GRID2: variants seen among roughly 807,000 people sequenced by gnomAD.
The protein encoded by GRID2 is glutamate ionotropic receptor delta type subunit 2.
A neutral mutation model predicts 114.8 loss-of-function variants in GRID2; 33 were observed. The observed-to-expected ratio is 0.29, with a 90% CI of 0.22 to 0.38. GRID2 has a LOEUF of 0.38. Among genes scored for constraint, GRID2 ranks in the 10% least tolerant of loss-of-function variants. The probability of loss-of-function intolerance (pLI) is 1.00; values close to 1 mark genes in which losing one functional copy is unlikely to be tolerated. For synonymous variants in GRID2, 505 were observed against 449.9 expected (o/e 1.12, Z -1.55); for missense variants, 1,184 against 1,257.7 (o/e 0.94, Z 0.89).
At chr4:92,777,579 T>C (rs1046055552) in intron 2 of GRID2, among the ~76,000 whole-genome samples, 1 of 152,100 alleles carries the variant, frequency 6.6e-6, no homozygotes, top group Non-Finnish European at 1.5e-5. Flanking sequence ...CCCCAAAATT[T>C]ATATTTTGAA....
chr4:92,540,871 T>C (rs565832181), intron 1 of GRID2, among the ~76,000 whole-genome samples: 1 of 151,538 alleles, frequency 6.6e-6, no homozygotes, highest in East Asian at 1.9e-4. Flanking sequence ...CTATTCACAA[T>C]AGCAAAGACT....
chr4:93,559,778 A>T (rs972806095), intron 13 of GRID2, among the ~76,000 whole-genome samples: 4 of 152,180 alleles, frequency 2.6e-5, no homozygotes, highest in Admixed American at 2.6e-4. Flanking sequence ...ACACATGCAC[A>T]AGTATGTTTA....
chr4:92,581,744 A>G (rs1352185506), intron 1 of GRID2, among the ~76,000 whole-genome samples: 1 of 152,138 alleles, frequency 6.6e-6, no homozygotes, highest in East Asian at 1.9e-4. Flanking sequence ...TTAAGTCACT[A>G]TATCAAAAAT....
chr4:92,848,366 A>T (rs535248009), intron 2 of GRID2, among the ~76,000 whole-genome samples: 5 of 151,846 alleles, frequency 3.3e-5, no homozygotes, highest in Admixed American at 3.3e-4. Flanking sequence ...CTTCCTCTAC[A>T]CATCTCTTTC....
chr4:93,213,105 TA>T (rs1560993959), intron 5 of GRID2, among the ~76,000 whole-genome samples: 1 of 152,100 alleles, frequency 6.6e-6, no homozygotes, highest in Non-Finnish European at 1.5e-5. Flanking sequence ...TTTTGAGATT[TA>T]AAAAGCCTAT....
At chr4:92,379,570 G>T (rs970659012) in intron 1 of GRID2, among the ~76,000 whole-genome samples, 1 of 151,766 alleles carries the variant, frequency 6.6e-6, no homozygotes, top group Non-Finnish European at 1.5e-5. Context: ...TATATGGCGG[G>T]GTTGAACAGT....
At chr4:93,105,763 C>T (rs1579001883) in intron 3 of GRID2, among the ~76,000 whole-genome samples, 3 of 152,192 alleles carry the variant, frequency 2.0e-5, no homozygotes, top group African/African-American at 4.8e-5. Context: ...AGGAGTTAGA[C>T]CTCCCTTTGA....
intron 2 of GRID2, among the ~76,000 whole-genome samples, chr4:92,640,248 G>A (rs1224182815): frequency 6.6e-6 from 1 of 151,582 alleles, no homozygotes; most frequent in African/African-American, 2.4e-5. Context: ...TGCCACATGT[G>A]GTATGCCACC....
chr4:93,059,234 A>G (rs1459040122), intron 2 of GRID2, among the ~76,000 whole-genome samples: 1 of 152,148 alleles, frequency 6.6e-6, no homozygotes, highest in Non-Finnish European at 1.5e-5. Context: ...TAATATTCCA[A>G]TCTGGAAGAG....
At chr4:93,810,387 T>C (rs1735109120), downstream of GRID2, among the ~76,000 whole-genome samples, 1 of 152,182 alleles carries the variant, frequency 6.6e-6, no homozygotes, top group South Asian at 2.1e-4. Context: ...TGTCAATAAA[T>C]AATTTTCCTG....
At chr4:93,794,886 G>A (rs1379532520) in intron 1 of GRID2, among the ~76,000 whole-genome samples, 1 of 152,168 alleles carries the variant, frequency 6.6e-6, no homozygotes, top group Non-Finnish European at 1.5e-5. Flanking sequence ...ATTGTGAGAG[G>A]CAGATGAGAA....
At chr4:93,264,287 CA>C (rs1375342553) in intron 8 of GRID2, among the ~76,000 whole-genome samples, 8 of 152,172 alleles carry the variant, frequency 5.3e-5, no homozygotes, top group Non-Finnish European at 1.0e-4. Context: ...AATTTATAAG[CA>C]AAGGAATGGT....
intron 1 of GRID2, among the ~76,000 whole-genome samples, chr4:92,434,012 A>G (rs996645809): frequency 1.3e-5 from 2 of 152,234 alleles, no homozygotes; most frequent in Non-Finnish European, 2.9e-5. Context: ...TCAGTTTTCT[A>G]TAAACCCACG....
At chr4:92,460,764 G>C (rs1721455980) in intron 1 of GRID2, among the ~76,000 whole-genome samples, 1 of 151,984 alleles carries the variant, frequency 6.6e-6, no homozygotes, top group Admixed American at 6.6e-5. Flanking sequence ...TCTCCTGAAA[G>C]TTTTTTACTG....
At chr4:93,752,119 G>T (rs1732373646) in intron 14 of GRID2, among the ~76,000 whole-genome samples, 1 of 152,126 alleles carries the variant, frequency 6.6e-6, no homozygotes, top group Non-Finnish European at 1.5e-5. Context: ...TATTACTGTG[G>T]CTGTACCACA....
At chr4:93,701,893 A>G (rs897775475) in intron 14 of GRID2, among the ~76,000 whole-genome samples, 9 of 152,072 alleles carry the variant, frequency 5.9e-5, no homozygotes, top group Non-Finnish European at 1.0e-4. Context: ...ATTTATATGT[A>G]CAAAAGCAAC....
At chr4:92,410,182 T>C (rs112383281) in intron 1 of GRID2, among the ~76,000 whole-genome samples, 1 of 152,178 alleles carries the variant, frequency 6.6e-6, no homozygotes, top group African/African-American at 2.4e-5. Flanking sequence ...CTATCTGTCC[T>C]TGAACACGCT....
intron 2 of GRID2, among the ~76,000 whole-genome samples, chr4:92,904,183 T>G (rs1747781745): frequency 6.6e-6 from 1 of 151,552 alleles, no homozygotes; most frequent in Non-Finnish European, 1.5e-5. Context: ...AATATAATAT[T>G]AATGTATGGC....
intron 2 of GRID2, among the ~76,000 whole-genome samples, chr4:92,863,011 A>G (rs1204399361): frequency 2.0e-5 from 3 of 152,056 alleles, no homozygotes; most frequent in African/African-American, 7.2e-5. Flanking sequence ...GCACTTACCC[A>G]TTTAGTCTAT....
Sources: gnomAD v4.1 joint callset for allele counts (sites outside exome capture counted in the v4.1 genomes callset) on GRCh38, gnomAD v4.1.1 for gene constraint, MANE v1.5 for transcripts, NCBI Gene and HGNC (gene_info 2026-07-23, HGNC 2026-07-21) for gene names.